Variants in COBL observed in about 807,000 individuals in gnomAD.
COBL encodes the protein protein cordon-bleu.
Under a neutral mutation model 98.8 loss-of-function variants are expected in COBL, and 51 were observed. The observed-to-expected ratio is 0.52, with a 90% CI of 0.41 to 0.65. The LOEUF is 0.65. COBL is among the 30% of genes least tolerant of loss of function. The pLI is 0.00. For synonymous variants in COBL, 634 were observed against 651.7 expected (o/e 0.97, Z 0.41); for missense variants, 1,617 against 1,617.5 (o/e 1.00, Z 0.01).
chr7:51,213,493 G>A (rs921647746), intron 2 of COBL, among the ~76,000 whole-genome samples: 10 of 152,274 alleles, frequency 6.6e-5, no homozygotes, highest in African/African-American at 2.4e-4. Context: ...ACCAGTCCCT[G>A]ATGCCAAAAA....
chr7:51,059,921 A>T (rs1791153896), intron 7 of COBL, among the ~76,000 whole-genome samples: 1 of 152,128 alleles, frequency 6.6e-6, no homozygotes. Flanking sequence ...CCTCACAGGG[A>T]GCATGTGGTC....
At chr7:51,307,757 C>T (rs992440950) in intron 1 of COBL, among the ~76,000 whole-genome samples, 2 of 152,194 alleles carry the variant, frequency 1.3e-5, no homozygotes, top group East Asian at 3.8e-4. Context: ...TTGATTATGG[C>T]TTGTGCCGTT....
chr7:51,034,917 G>C (rs1033321159), intron 8 of COBL: 1 of 152,198 alleles, frequency 6.6e-6, no homozygotes, highest in Admixed American at 6.5e-5. Flanking sequence ...TGCATGTGTT[G>C]AATAAGTATT....
intron 1 of COBL, among the ~76,000 whole-genome samples, chr7:51,307,073 A>G (rs1802548673): frequency 6.6e-6 from 1 of 152,200 alleles, no homozygotes; most frequent in African/African-American, 2.4e-5. Context: ...GGCCGGGTGC[A>G]GTGGCTCAGG....
intron 5 of COBL, among the ~76,000 whole-genome samples, chr7:51,136,723 A>G (rs1327540857): frequency 6.6e-6 from 1 of 152,226 alleles, no homozygotes; most frequent in Non-Finnish European, 1.5e-5. Flanking sequence ...TGATCAAGAA[A>G]TACATCTTCA....
intron 8 of COBL, chr7:51,036,010 A>G (rs1398704717): frequency 2.0e-5 from 3 of 152,216 alleles, no homozygotes; most frequent in African/African-American, 7.2e-5. Flanking sequence ...GATCCCCCAT[A>G]GATACCAAAT....
At position 51,096,889 on chromosome 7, in the gene COBL, G is replaced by A. The variant is rs184268633; in HGVS notation, c.958-11585C>T. The stretch of plus-strand genomic sequence containing the variant: ...ACAAAGAAAAGCCCACAACCAGATG[G>A]CTTCAATGGAGAATTCTACCAAATA... On this transcript the variant is annotated intron_variant, in intron 6 of 12. Transcript: ENST00000265136. Among the ~76,000 whole-genome samples the A allele has an allele frequency of 5.9e-5, 9 of 152,226 alleles. No homozygotes were observed. In the East Asian group the frequency reaches 1.5e-3, roughly 26 times the overall value.
At chr7:51,093,793 C>G (rs1795025858) in intron 6 of COBL, among the ~76,000 whole-genome samples, 3 of 151,850 alleles carry the variant, frequency 2.0e-5, no homozygotes, top group Admixed American at 1.3e-4. Flanking sequence ...ACTCAGGAGG[C>G]TGAGTCAGGA....
rs754915191 is a variant in COBL at position 51,219,715 on chromosome 7, ACTC to A, written c.245+23_245+25del. 3.0e-5 allele frequency: 48 copies of A among 1,607,286 alleles called. No individual in the cohort carries two copies. The African/African-American group carries it at 5.4e-4, about 18-fold the overall frequency. ...CTATACTCGCAAAGTGAGTACAGCG[ACTC>A]CTCCTGCAGCACCGGCTCTCACCTC... On this transcript the variant is annotated intron_variant, in intron 2 of 12. Coordinates refer to ENST00000265136, the MANE Select transcript of COBL (RefSeq NM_015198.5).
At chr7:51,149,675 C>CA (rs1785375210) in intron 5 of COBL, among the ~76,000 whole-genome samples, 1 of 152,188 alleles carries the variant, frequency 6.6e-6, no homozygotes, top group African/African-American at 2.4e-5. Flanking sequence ...GGCGCAACCT[C>CA]AGCTCACTGC....
intron 2 of COBL, among the ~76,000 whole-genome samples, chr7:51,207,264 T>C (rs1018655778): frequency 3.4e-5 from 5 of 149,166 alleles, no homozygotes; most frequent in African/African-American, 7.4e-5. Flanking sequence ...GTTAAGGAAA[T>C]GGAAGGAAAC....
chr7:51,315,273 G>T (rs199863224), intron 1 of COBL, among the ~76,000 whole-genome samples: 3 of 121,794 alleles, frequency 2.5e-5, no homozygotes, highest in African/African-American at 8.1e-5. Context: ...AAAAAAAAAA[G>T]AGAGAGAGAA....
At chr7:51,151,135 G>A (rs1785514618) in intron 5 of COBL, among the ~76,000 whole-genome samples, 3 of 151,972 alleles carry the variant, frequency 2.0e-5, no homozygotes, top group Non-Finnish European at 4.4e-5. Context: ...GAAAATCCTC[G>A]GCTCTTTCCC....
chr7:51,225,350 G>A (rs801145), intron 1 of COBL, among the ~76,000 whole-genome samples: 28,219 of 152,176 alleles, frequency 0.19, 3,525 homozygotes, highest in East Asian at 0.59. Context: ...TTTAAAAAGA[G>A]TAGGCCTTCT....
intron 6 of COBL, among the ~76,000 whole-genome samples, chr7:51,096,420 A>C (rs1795275366): frequency 6.6e-6 from 1 of 152,128 alleles, no homozygotes; most frequent in African/African-American, 2.4e-5. Flanking sequence ...AAAAACAACG[A>C]AAGAGCTCAT....
chr7:51,114,049 T>A (rs1797063481), intron 6 of COBL, among the ~76,000 whole-genome samples: 2 of 152,240 alleles, frequency 1.3e-5, no homozygotes, highest in Non-Finnish European at 2.9e-5. Context: ...TGGCCAACAC[T>A]CTGAACTGCT....
At chr7:51,147,116 C>T in intron 5 of COBL, among the ~76,000 whole-genome samples, 1 of 152,150 alleles carries the variant, frequency 6.6e-6, no homozygotes, top group African/African-American at 2.4e-5. Context: ...ACTCCGCAGC[C>T]CTGGGGCAGC....
chr7:51,308,552 T>C (rs1448308394), intron 1 of COBL, among the ~76,000 whole-genome samples: 2 of 152,210 alleles, frequency 1.3e-5, no homozygotes, highest in Non-Finnish European at 2.9e-5. Flanking sequence ...GTATTTCTCC[T>C]CTTCCAGCTC....
chr7:51,038,889 G>A (rs1788888639), intron 8 of COBL, among the ~76,000 whole-genome samples: 1 of 152,224 alleles, frequency 6.6e-6, no homozygotes, highest in Admixed American at 6.5e-5. Context: ...GATGGAGAGG[G>A]CTCATGTCAC....
Sources: allele counts gnomAD v4.1 joint callset (sites outside exome capture counted in the v4.1 genomes callset), GRCh38; gene constraint gnomAD v4.1.1; transcripts MANE v1.5; gene names NCBI Gene and HGNC (gene_info 2026-07-23, HGNC 2026-07-21).